IMMP2L: variants seen among roughly 807,000 people sequenced by gnomAD.
IMMP2L encodes the protein mitochondrial inner membrane protease subunit 2.
IMMP2L carries 18 observed loss-of-function variants against 19.3 expected under a neutral mutation model. The observed-to-expected ratio is 0.93, with a 90% CI of 0.64 to 1.38. The LOEUF (loss-of-function observed/expected upper bound fraction) is 1.38, where lower values mean the gene tolerates loss of function less well. Ranked by LOEUF, IMMP2L falls within the 40% of genes most tolerant of loss-of-function variation. The pLI, the probability that IMMP2L is intolerant of heterozygous loss-of-function variation, is 0.00. For synonymous variants in IMMP2L, 76 were observed against 73.0 expected (o/e 1.04, Z -0.21); for missense variants, 233 against 218.2 (o/e 1.07, Z -0.43).
At chr7:111,228,548 A>C (rs37710) in intron 3 of IMMP2L, among the ~76,000 whole-genome samples, 10 of 152,120 alleles carry the variant, frequency 6.6e-5, no homozygotes, top group Non-Finnish European at 1.5e-4. Context: ...GTACAGACCC[A>C]CAGGTCCCAT....
intron 3 of IMMP2L, among the ~76,000 whole-genome samples, chr7:111,225,581 T>C (rs548639885): frequency 4.0e-4 from 61 of 151,918 alleles, no homozygotes; most frequent in Non-Finnish European, 7.8e-4. Flanking sequence ...GTACTACTTA[T>C]TGAGTTTTGG....
intron 3 of IMMP2L, among the ~76,000 whole-genome samples, chr7:111,384,841 GT>G: frequency 6.6e-6 from 1 of 152,196 alleles, no homozygotes; most frequent in Non-Finnish European, 1.5e-5. Context: ...ACTGGATAAA[GT>G]TAGGAAATAC....
At chr7:110,876,579 T>C (rs777498012) in intron 5 of IMMP2L, among the ~76,000 whole-genome samples, 4 of 152,130 alleles carry the variant, frequency 2.6e-5, no homozygotes, top group Non-Finnish European at 5.9e-5. Flanking sequence ...GGTGAATTTC[T>C]CTGACAGATG....
At chr7:110,669,061 G>A (rs1205694683) in intron 5 of IMMP2L, among the ~76,000 whole-genome samples, 1 of 129,850 alleles carries the variant, frequency 7.7e-6, no homozygotes, top group African/African-American at 4.1e-5. Flanking sequence ...GCGTGTGTGT[G>A]TGTGTGTGTG....
rs572691772 is a variant in IMMP2L, at chr7:111,038,468, A to G, written c.240-74903T>C. Among the ~76,000 whole-genome samples, 109 of 152,280 alleles carry G rather than the reference A, an allele frequency of 7.2e-4. 1 individual carries two copies. Among genetic ancestry groups the G allele is most frequent in the Non-Finnish European group, 9.4e-4 (64 of 68,014 alleles). ...AAACCTGCTAAAGCCAACTAGGTTC[A>G]AAGACCCTGAACTAGGTTAGCAAAC... is the stretch of plus-strand genomic sequence containing the variant. On this transcript the variant is annotated intron_variant, in intron 3 of 5. Coordinates refer to ENST00000405709, the MANE Select transcript of IMMP2L (RefSeq NM_032549.4).
chr7:111,176,863 C>T (rs957757815), intron 3 of IMMP2L, among the ~76,000 whole-genome samples: 7 of 151,850 alleles, frequency 4.6e-5, no homozygotes, highest in African/African-American at 1.7e-4. Flanking sequence ...CAATGATCTT[C>T]CAGGTATGAA....
At chr7:110,845,487 A>T (rs1159015775) in intron 5 of IMMP2L, among the ~76,000 whole-genome samples, 1 of 152,116 alleles carries the variant, frequency 6.6e-6, no homozygotes, top group African/African-American at 2.4e-5. Context: ...GGCCCGGGGT[A>T]AAATAAACTT....
chr7:111,135,352 T>A (rs1215251300), intron 3 of IMMP2L, among the ~76,000 whole-genome samples: 1 of 152,172 alleles, frequency 6.6e-6, no homozygotes, highest in African/African-American at 2.4e-5. Flanking sequence ...CTTGATGAAT[T>A]ATTGGTCATA....
chr7:111,198,486 G>A (rs1474300378), intron 3 of IMMP2L, among the ~76,000 whole-genome samples: 1 of 152,100 alleles, frequency 6.6e-6, no homozygotes, highest in East Asian at 1.9e-4. Context: ...CAACATGGGT[G>A]TACCAGGTCA....
intron 5 of IMMP2L, among the ~76,000 whole-genome samples, chr7:110,720,774 G>A (rs562205328): frequency 1.2e-4 from 18 of 152,158 alleles, no homozygotes; most frequent in Non-Finnish European, 1.9e-4. Context: ...TTCTCTTAGC[G>A]GTTCTGCCTA....
chr7:111,171,252 G>A (rs1156395441), intron 3 of IMMP2L, among the ~76,000 whole-genome samples: 1 of 151,548 alleles, frequency 6.6e-6, no homozygotes, highest in African/African-American at 2.4e-5. Context: ...ACACCATGTG[G>A]CATACATTTA....
chr7:110,747,705 A>G (rs1269449821), intron 5 of IMMP2L, among the ~76,000 whole-genome samples: 1 of 152,202 alleles, frequency 6.6e-6, no homozygotes, highest in African/African-American at 2.4e-5. Flanking sequence ...ACAGCCCTTC[A>G]TGCTAAAAAC....
chr7:110,684,998 A>G (rs1490413779), intron 5 of IMMP2L, among the ~76,000 whole-genome samples: 1 of 152,048 alleles, frequency 6.6e-6, no homozygotes, highest in Non-Finnish European at 1.5e-5. Flanking sequence ...GCTTTTCTAC[A>G]TCTCCTTAAA....
intron 3 of IMMP2L, among the ~76,000 whole-genome samples, chr7:111,275,213 C>T (rs904990662): frequency 1.3e-5 from 2 of 152,088 alleles, no homozygotes; most frequent in Non-Finnish European, 2.9e-5. Flanking sequence ...CCACATTGCC[C>T]ACTCATAAGA....
At chr7:110,938,545 C>T (rs1010734924) in intron 4 of IMMP2L, among the ~76,000 whole-genome samples, 18 of 152,088 alleles carry the variant, frequency 1.2e-4, no homozygotes, top group African/African-American at 4.1e-4. Flanking sequence ...CAAAACTATT[C>T]ATCTATGTAT....
intron 3 of IMMP2L, among the ~76,000 whole-genome samples, chr7:111,385,638 T>C (rs952019712): frequency 2.0e-5 from 3 of 152,158 alleles, no homozygotes; most frequent in Non-Finnish European, 4.4e-5. Flanking sequence ...TGGTTCATTG[T>C]GGTTTCTACC....
At chr7:111,458,258 C>A (rs1563217249) in intron 3 of IMMP2L, among the ~76,000 whole-genome samples, 1 of 151,868 alleles carries the variant, frequency 6.6e-6, no homozygotes, top group Non-Finnish European at 1.5e-5. Context: ...TGCGCCTGTA[C>A]TCCCCAGCTA....
At chr7:111,183,338 GA>G (rs1807921022) in intron 3 of IMMP2L, among the ~76,000 whole-genome samples, 1 of 152,000 alleles carries the variant, frequency 6.6e-6, no homozygotes, top group South Asian at 2.1e-4. Context: ...CTGTAGTTCT[GA>G]TTACAAAACA....
intron 3 of IMMP2L, among the ~76,000 whole-genome samples, chr7:111,326,632 C>T (rs148879110): frequency 1.2e-3 from 186 of 151,650 alleles, no homozygotes; most frequent in Non-Finnish European, 2.2e-3. Context: ...CAATGAAAAC[C>T]GCAAGGATAT....
Sources: gnomAD v4.1 joint callset for allele counts (sites outside exome capture counted in the v4.1 genomes callset) on GRCh38, gnomAD v4.1.1 for gene constraint, MANE v1.5 for transcripts, NCBI Gene and HGNC (gene_info 2026-07-23, HGNC 2026-07-21) for gene names.